CHSY3: variants seen among roughly 807,000 people sequenced by gnomAD.
CHSY3 encodes the protein N-acetylgalactosaminyl-proteoglycan 3-beta-glucuronosyltransferase 3.
In CHSY3, 35 loss-of-function variants were observed where a neutral mutation model predicts 67.2. The ratio of observed to expected loss-of-function variants is 0.52; its 90% CI spans 0.40 to 0.69. The LOEUF (loss-of-function observed/expected upper bound fraction) is 0.69. Among genes scored for constraint, CHSY3 ranks in the 30% least tolerant of loss-of-function variants. CHSY3 has a pLI of 0.00. For missense variants in CHSY3, 1,069 were observed against 1,138.5 expected (o/e 0.94, Z 0.88); for synonymous variants, 474 against 434.7 (o/e 1.09, Z -1.12).
intron 2 of CHSY3, among the ~76,000 whole-genome samples, chr5:130,051,134 TAAC>T (rs141812339): frequency 0.021 from 3,271 of 152,148 alleles, 110 homozygotes; most frequent in African/African-American, 0.072. Context: ...ACCAAACTCT[TAAC>T]AATGGTCACC....
chr5:130,106,022 G>A (rs1290547671), intron 2 of CHSY3, among the ~76,000 whole-genome samples: 2 of 151,468 alleles, frequency 1.3e-5, no homozygotes, highest in South Asian at 2.1e-4. Flanking sequence ...ATTTTTCACT[G>A]TGAATATGTG....
intron 2 of CHSY3, among the ~76,000 whole-genome samples, chr5:129,953,612 C>T (rs761992636): frequency 6.6e-6 from 1 of 152,156 alleles, no homozygotes; most frequent in Non-Finnish European, 1.5e-5. Flanking sequence ...TAAAAATGTT[C>T]TTATTTCTCC....
At chr5:130,026,212 G>C (rs931559074) in intron 2 of CHSY3, among the ~76,000 whole-genome samples, 4 of 152,004 alleles carry the variant, frequency 2.6e-5, no homozygotes, top group African/African-American at 9.7e-5. Context: ...GGATTCCTTA[G>C]CAGTTTCTTA....
chr5:130,020,282 G>A (rs1764329014), intron 2 of CHSY3, among the ~76,000 whole-genome samples: 3 of 151,512 alleles, frequency 2.0e-5, no homozygotes, highest in African/African-American at 7.3e-5. Context: ...TTAGCAGGGT[G>A]TGGTGGCTGG....
intron 2 of CHSY3, among the ~76,000 whole-genome samples, chr5:130,028,750 T>C (rs960454301): frequency 6.6e-6 from 1 of 152,078 alleles, no homozygotes; most frequent in African/African-American, 2.4e-5. Context: ...TTATTACTTT[T>C]TGTATTGTCT....
At chr5:129,939,233 C>T (rs1761618635) in intron 2 of CHSY3, among the ~76,000 whole-genome samples, 1 of 152,178 alleles carries the variant, frequency 6.6e-6, no homozygotes, top group South Asian at 2.1e-4. Context: ...AGGGAGAAGT[C>T]TGTCTCCCCA....
chr5:129,945,183 G>A (rs1389238681), intron 2 of CHSY3, among the ~76,000 whole-genome samples: 1 of 152,346 alleles, frequency 6.6e-6, no homozygotes, highest in East Asian at 1.9e-4. Flanking sequence ...TCATTCTGAA[G>A]GCTTTTGTAA....
intron 2 of CHSY3, among the ~76,000 whole-genome samples, chr5:130,143,784 G>GTGTATATATATATATATATGTGTGTA (rs1179526892): frequency 2.7e-5 from 2 of 73,844 alleles, no homozygotes; most frequent in African/African-American, 1.2e-4. Flanking sequence ...ATATATATGT[G>GTGTATATATATATATATATGTGTGTA]TATATATATA....
At chr5:130,124,691 C>T (rs186389084) in intron 2 of CHSY3, among the ~76,000 whole-genome samples, 2 of 152,168 alleles carry the variant, frequency 1.3e-5, no homozygotes, top group East Asian at 3.9e-4. Flanking sequence ...CTCCCCAGCT[C>T]AGGCAGTCCA....
At chr5:130,087,249 A>G (rs1451988687) in intron 2 of CHSY3, among the ~76,000 whole-genome samples, 1 of 152,124 alleles carries the variant, frequency 6.6e-6, no homozygotes, top group Non-Finnish European at 1.5e-5. Flanking sequence ...TGACAAACCC[A>G]CAGCCAATAT....
intron 2 of CHSY3, among the ~76,000 whole-genome samples, chr5:129,913,985 T>C (rs1048098010): frequency 2.6e-5 from 4 of 152,222 alleles, no homozygotes; most frequent in African/African-American, 4.8e-5. Context: ...GTAAGTAATA[T>C]CAGAAAGCTG....
At chr5:129,928,631 T>C (rs1275667888) in intron 2 of CHSY3, among the ~76,000 whole-genome samples, 2 of 152,156 alleles carry the variant, frequency 1.3e-5, no homozygotes, top group Non-Finnish European at 2.9e-5. Flanking sequence ...TTCTACCTTC[T>C]TTCATTATAG....
rs993349255 is a variant in CHSY3 at position 130,002,170 on chromosome 5, T to C, written c.1086+93810T>C. 1.3e-5 allele frequency: 7 copies of C among 521,628 alleles called. No homozygotes were observed. In the South Asian group the frequency reaches 3.3e-4, roughly 25 times the overall value. 32.3% of individuals were successfully genotyped at this position (521,628 alleles called of 1,614,324 possible). ...ATTCAGGTTTCCACCTTGTATGCCATAGGGCTCAGGACAAGTTCTATGAAG... is the reference window on the plus strand; with the variant it reads ...ATTCAGGTTTCCACCTTGTATGCCACAGGGCTCAGGACAAGTTCTATGAAG... On this transcript the variant is annotated intron_variant, in intron 2 of 2. Coordinates refer to ENST00000305031, the MANE Select transcript of CHSY3 (RefSeq NM_175856.5).
At chr5:129,968,340 T>G (rs1373656935) in intron 2 of CHSY3, among the ~76,000 whole-genome samples, 2 of 151,888 alleles carry the variant, frequency 1.3e-5, no homozygotes, top group African/African-American at 4.8e-5. Flanking sequence ...TGTCTCTTTT[T>G]ACAGATGAAC....
chr5:129,964,459 T>C (rs1282965936), intron 2 of CHSY3, among the ~76,000 whole-genome samples: 1 of 151,866 alleles, frequency 6.6e-6, no homozygotes, highest in Non-Finnish European at 1.5e-5. Flanking sequence ...ATTATAATTT[T>C]TCCCGAAGCT....
chr5:129,936,058 T>G (rs1761478034), intron 2 of CHSY3, among the ~76,000 whole-genome samples: 1 of 152,216 alleles, frequency 6.6e-6, no homozygotes, highest in Admixed American at 6.5e-5. Flanking sequence ...ATATTTATAG[T>G]GTTTTAAACC....
At chr5:130,003,927 T>C (rs1763803738) in intron 2 of CHSY3, among the ~76,000 whole-genome samples, 1 of 152,214 alleles carries the variant, frequency 6.6e-6, no homozygotes, top group South Asian at 2.1e-4. Context: ...TTTTGAATTG[T>C]TCTCAATATT....
chr5:129,998,074 G>A (rs1166793556), intron 2 of CHSY3, among the ~76,000 whole-genome samples: 1 of 152,080 alleles, frequency 6.6e-6, no homozygotes, highest in African/African-American at 2.4e-5. Flanking sequence ...AGATCCTTGA[G>A]GAATCACCAC....
At position 130,182,702 on chromosome 5, in the gene CHSY3, T is replaced by C. The variant is rs146569261; in HGVS notation, c.1087-1527T>C. Among the ~76,000 whole-genome samples the C allele has an allele frequency of 2.9e-3, 441 of 152,198 alleles. 4 individuals carry two copies. The highest frequency in any genetic ancestry group is 9.6e-3 in the African/African-American group (399 of 41,574). Reference sequence around the variant, plus strand: ...GATCCGTTTTTACTTTTTTCCCTTATATGAATATCCTACTGATCTGGCACT... The same window carrying C: ...GATCCGTTTTTACTTTTTTCCCTTACATGAATATCCTACTGATCTGGCACT... On this transcript the variant is annotated intron_variant, in intron 2 of 2. Transcript: ENST00000305031.
Sources: gnomAD v4.1 joint callset for allele counts (sites outside exome capture counted in the v4.1 genomes callset) on GRCh38, gnomAD v4.1.1 for gene constraint, MANE v1.5 for transcripts, NCBI Gene and HGNC (gene_info 2026-07-23, HGNC 2026-07-21) for gene names.